The following ZNHIT3 variants were observed in gnomAD, a reference collection of about 807,000 sequenced individuals.
ZNHIT3 encodes the protein zinc finger HIT-type containing 3.
A neutral mutation model predicts 19.9 loss-of-function variants in ZNHIT3; 27 were observed. The observed-to-expected ratio is 1.36, with a 90% CI of 1.00 to 1.87. The LOEUF (loss-of-function observed/expected upper bound fraction) is 1.87. ZNHIT3 is among the 40% of genes most tolerant of loss of function. The probability of loss-of-function intolerance (pLI) is 0.00; values close to 1 mark genes in which losing one functional copy is unlikely to be tolerated. For synonymous variants in ZNHIT3, 81 were observed against 65.7 expected (o/e 1.23, Z -1.13); for missense variants, 215 against 185.6 (o/e 1.16, Z -0.92).
chr17:36,499,209 G>C (rs1206726798), downstream of ZNHIT3: 12 of 1,442,278 alleles, frequency 8.3e-6, no homozygotes, highest in Admixed American at 1.9e-5. Context: ...GGGGCCATTA[G>C]AGCTGTCAGT....
At chr17:36,499,220 G>T, downstream of ZNHIT3, 1 of 1,286,690 alleles carries the variant, frequency 7.8e-7, no homozygotes, top group Non-Finnish European at 1.1e-6. Context: ...AGCTGTCAGT[G>T]ACCTCGCTGC....
At chr17:36,498,500 A>T (rs1185477348), downstream of ZNHIT3, 1 of 1,613,948 alleles carries the variant, frequency 6.2e-7, no homozygotes, top group Non-Finnish European at 8.5e-7. Flanking sequence ...AGGGAGCTTG[A>T]GAGAAGTGTT....
intron 2 of ZNHIT3, 119 bp downstream of exon 2, chr17:36,487,085 C>T (rs2070581144): frequency 7.2e-7 from 1 of 1,398,332 alleles, no homozygotes; most frequent in Non-Finnish European, 9.6e-7. Flanking sequence ...CGGGTCTCCG[C>T]GGGTTCTGCA....
chr17:36,492,950 G>A (rs771415680), intron 3 of ZNHIT3, 51 bp downstream of exon 3: 1 of 1,491,404 alleles, frequency 6.7e-7, no homozygotes. Context: ...CATAGAATAA[G>A]TCGAAGGAAA....
chr17:36,495,288 G>T lies in ZNHIT3; in HGVS notation c.352G>T (p.Asp118Tyr), dbSNP rs779368693. 1.2e-6 allele frequency: 2 copies of T among 1,613,642 alleles called. No individual in the cohort carries two copies. Among genetic ancestry groups the T allele is most frequent in the East Asian group, 2.2e-5 (1 of 44,856 alleles). The change falls in exon 5 of 5, where the codon GAT becomes TAT. Residue 118 changes from aspartate to tyrosine, a missense_variant. Physicochemically the swap from Asp to Tyr is radical, Grantham distance 160. Coordinates refer to ENST00000617429, the MANE Select transcript of ZNHIT3 (RefSeq NM_004773.4). ...PHLRQLMVNL[D>Y]QGEDKAKLMR... ...CCTCAGGCAGTTGATGGTCAACCTC[G>T]ATCAGGGAGAAGACAAAGCAAAGCT... is the stretch of plus-strand genomic sequence containing the variant.
chr17:36,486,733 G>A lies in ZNHIT3; in HGVS notation c.34G>A (p.Val12Met). ...ASLKCSTVVCVICLEKPKYRC... is the reference protein window; with the variant it reads ...ASLKCSTVVCMICLEKPKYRC... Reference sequence around the variant, plus strand: ...GCTCAAATGTAGCACCGTCGTCTGCGTGATCTGCTTGGAGAAGCCCAAATA... The same window carrying A: ...GCTCAAATGTAGCACCGTCGTCTGCATGATCTGCTTGGAGAAGCCCAAATA... The change falls in exon 1 of 5, where the codon GTG becomes ATG. Residue 12 changes from valine to methionine, a missense_variant. Val to Met is a conservative substitution (Grantham distance 21). Transcript: ENST00000617429. 1 of 1,613,886 alleles carries A rather than the reference G, an allele frequency of 6.2e-7. No homozygotes were observed. The highest frequency in any genetic ancestry group is 1.1e-5 in the South Asian group (1 of 91,082).
At chr17:36,495,851 ACAAGATTTTTCC>A, downstream of ZNHIT3, 1 of 1,241,584 alleles carries the variant, frequency 8.1e-7, no homozygotes, top group East Asian at 3.1e-5. Flanking sequence ...GGAAATAACC[ACAAGATTTTTCC>A]CAGCCCAAAT....
chr17:36,491,922 A>G (rs2070735667), intron 2 of ZNHIT3: 1 of 152,174 alleles, frequency 6.6e-6, no homozygotes, highest in Admixed American at 6.5e-5. Flanking sequence ...TTACAAGAAA[A>G]TTTAATCCTT....
chr17:36,498,288 G>T (rs766196541), downstream of ZNHIT3: 3 of 1,612,726 alleles, frequency 1.9e-6, no homozygotes, highest in Non-Finnish European at 2.5e-6. Flanking sequence ...TCGGATGGAC[G>T]TGACACCAGC....
chr17:36,494,008 T>G lies in ZNHIT3; in HGVS notation c.286+2T>G, dbSNP rs1335759684. The G allele has an allele frequency of 6.2e-7, 1 of 1,607,176 alleles. No individual in the cohort carries two copies. Among genetic ancestry groups the G allele is most frequent in the Admixed American group, 1.7e-5 (1 of 60,016 alleles). On this transcript the variant is annotated splice_donor_variant, in intron 4 of 4. Coordinates refer to ENST00000617429, the MANE Select transcript of ZNHIT3 (RefSeq NM_004773.4). LOFTEE classifies it high-confidence loss of function. ...CTTTGCAGAATTTAAAGAATTTAGGTAAGTCTGTGCTATGCTTGTCAATCG... is the reference window on the plus strand; with the variant it reads ...CTTTGCAGAATTTAAAGAATTTAGGGAAGTCTGTGCTATGCTTGTCAATCG...
At chr17:36,488,564 A>G (rs2070644369) in intron 2 of ZNHIT3, among the ~76,000 whole-genome samples, 1 of 152,122 alleles carries the variant, frequency 6.6e-6, no homozygotes, top group Non-Finnish European at 1.5e-5. Context: ...TAAAAAAATT[A>G]AAAATAAAGA....
At chr17:36,499,102 G>T, downstream of ZNHIT3, 2 of 1,610,498 alleles carry the variant, frequency 1.2e-6, no homozygotes, top group South Asian at 2.2e-5. Context: ...CACGCTTGAT[G>T]ACTGTGGCAG....
chr17:36,487,287 G>A (rs2070591603), intron 2 of ZNHIT3, among the ~76,000 whole-genome samples: 1 of 152,178 alleles, frequency 6.6e-6, no homozygotes, highest in African/African-American at 2.4e-5. Flanking sequence ...GTCTACCCTA[G>A]CAGTTTCTTC....
downstream of ZNHIT3, chr17:36,496,495 A>G (rs1005239797): frequency 8.6e-6 from 11 of 1,285,592 alleles, no homozygotes; most frequent in Non-Finnish European, 1.1e-5. Flanking sequence ...TAAAAATGCA[A>G]GAAGGTATGG....
At chr17:36,492,935 C>T (rs754806286) in intron 3 of ZNHIT3, 36 bp downstream of exon 3, 2 of 1,587,010 alleles carry the variant, frequency 1.3e-6, no homozygotes, top group South Asian at 2.2e-5. Context: ...CTACAAGGGA[C>T]TTCACATAGA....
chr17:36,487,038 G>A lies in ZNHIT3; in HGVS notation c.118+72G>A, dbSNP rs1567712614. 5 of 1,580,420 alleles carry A rather than the reference G, an allele frequency of 3.2e-6. No individual in the cohort carries two copies. The South Asian group carries it at 5.7e-5, about 18-fold the overall frequency. Reference sequence around the variant, plus strand: ...CCCCCACGTCCAGCCTCCGTCTTGGGGGCGTGGACCCTTGGGCTGCGCTTC... The same window carrying A: ...CCCCCACGTCCAGCCTCCGTCTTGGAGGCGTGGACCCTTGGGCTGCGCTTC... On this transcript the variant is annotated intron_variant, in intron 2 of 4. Coordinates refer to ENST00000617429, the MANE Select transcript of ZNHIT3 (RefSeq NM_004773.4).
intron 3 of ZNHIT3, chr17:36,493,111 G>A: frequency 1.7e-6 from 1 of 596,854 alleles, no homozygotes; most frequent in Non-Finnish European, 3.0e-6. Context: ...GAAGAAAAAT[G>A]GGCAGAAGAC....
At chr17:36,493,003 C>T (rs1195234483) in intron 3 of ZNHIT3, 104 bp downstream of exon 3, 2 of 1,067,150 alleles carry the variant, frequency 1.9e-6, no homozygotes, top group East Asian at 4.9e-5. Flanking sequence ...ACAATAGCTT[C>T]ATTGGGAAGG....
chr17:36,487,791 GA>G (rs1180180987), intron 2 of ZNHIT3, among the ~76,000 whole-genome samples: 12 of 132,056 alleles, frequency 9.1e-5, no homozygotes, highest in Non-Finnish European at 9.6e-5. Context: ...ACTCAGTCTG[GA>G]AAAAAAAAGA....
Sources: gnomAD v4.1 joint callset for allele counts (sites outside exome capture counted in the v4.1 genomes callset) on GRCh38, gnomAD v4.1.1 for gene constraint, MANE v1.5 for transcripts, NCBI Gene and HGNC (gene_info 2026-07-23, HGNC 2026-07-21) for gene names.